VPS13B: variants seen among roughly 807,000 people sequenced by gnomAD.
The protein encoded by VPS13B is vacuolar protein sorting 13 homolog B.
VPS13B carries 285 observed loss-of-function variants against 426.4 expected under a neutral mutation model. That is an observed-to-expected ratio of 0.67 (90% CI 0.61 to 0.74). The LOEUF (loss-of-function observed/expected upper bound fraction) is 0.74. VPS13B is among the 30% of genes least tolerant of loss of function. VPS13B has a pLI of 0.00. For synonymous variants in VPS13B, 1,676 were observed against 1,676.4 expected, an observed-to-expected ratio of 1.00 and a Z score of 0.01; for missense variants, 4,537 against 4,782.6, an observed-to-expected ratio of 0.95 and a Z score of 1.51.
intron 35 of VPS13B, among the ~76,000 whole-genome samples, chr8:99,664,310 T>G (rs1051969295): frequency 6.8e-6 from 1 of 146,412 alleles, no homozygotes; most frequent in African/African-American, 2.5e-5. Flanking sequence ...CAGCCAGAAA[T>G]GTACTTTTTT....
intron 21 of VPS13B, among the ~76,000 whole-genome samples, chr8:99,413,780 A>T (rs1815829013): frequency 6.6e-6 from 1 of 152,102 alleles, no homozygotes; most frequent in African/African-American, 2.4e-5. Context: ...ATTTTATTGC[A>T]CTGTGGTCTG....
At chr8:99,523,277 G>A (rs898720246) in intron 30 of VPS13B, among the ~76,000 whole-genome samples, 6 of 152,184 alleles carry the variant, frequency 3.9e-5, no homozygotes, top group Non-Finnish European at 8.8e-5. Context: ...ATGCATTTGG[G>A]AGCCGGGGAA....
At chr8:99,648,359 C>T (rs1248901882) in intron 34 of VPS13B, among the ~76,000 whole-genome samples, 2 of 152,106 alleles carry the variant, frequency 1.3e-5, no homozygotes, top group South Asian at 2.1e-4. Context: ...ATTTAAGTTC[C>T]AGAGAAGCAA....
At chr8:99,309,324 G>T (rs546422197) in intron 19 of VPS13B, among the ~76,000 whole-genome samples, 63 of 152,124 alleles carry the variant, frequency 4.1e-4, no homozygotes, top group African/African-American at 1.3e-3. Flanking sequence ...GGTCTAACAT[G>T]TAAGTCTTTA....
intron 39 of VPS13B, among the ~76,000 whole-genome samples, chr8:99,765,843 C>T (rs553419602): frequency 6.6e-6 from 1 of 152,090 alleles, no homozygotes; most frequent in East Asian, 1.9e-4. Flanking sequence ...GGGTTTCATG[C>T]CATACATACA....
Position 99,467,487 on chromosome 8 carries a change from T to G in VPS13B, c.3519T>G (p.Leu1173=), listed in dbSNP as rs1434698026. ...CCCTTCTTGGAAAACAAGTGACACT[T>G]TGCCTAGTGGAACCTATGGGTTGCA... ...IYTLLGKQVT[L]CLVEPMGCTS... is the part of the protein sequence containing the mutation. The change falls in exon 24 of 62, where the codon CTT becomes CTG. Residue 1173 remains leucine, a synonymous_variant. Transcript: ENST00000357162. The G allele has an allele frequency of 6.2e-7, 1 of 1,613,814 alleles. No homozygotes were observed. Among genetic ancestry groups the G allele is most frequent in the Non-Finnish European group, 8.5e-7 (1 of 1,179,802 alleles).
chr8:99,142,609 A>G (rs910935812), intron 12 of VPS13B, among the ~76,000 whole-genome samples: 2 of 152,224 alleles, frequency 1.3e-5, no homozygotes, highest in Admixed American at 1.3e-4. Flanking sequence ...ATTTACTAAG[A>G]TAAATTAGTA....
rs1413923488 is a variant in VPS13B at position 99,877,439 on chromosome 8, T to C, written c.*1773T>C. 6 of 152,768 alleles carry C rather than the reference T, an allele frequency of 3.9e-5. No individual in the cohort carries two copies. Among genetic ancestry groups the C allele is most frequent in the African/African-American group, 1.4e-4 (6 of 41,574 alleles). 9.5% of individuals were successfully genotyped at this position (152,768 alleles called of 1,614,324 possible). ...GTGTCCTTGAATTACTGACCACCCA[T>C]AGATGTCTACTGTTACCAGGTTTTA... On this transcript the variant is annotated 3_prime_UTR_variant, in exon 62 of 62. Transcript: ENST00000357162.
At chr8:99,415,999 C>T (rs1053258864) in intron 21 of VPS13B, among the ~76,000 whole-genome samples, 2 of 152,250 alleles carry the variant, frequency 1.3e-5, no homozygotes, top group African/African-American at 2.4e-5. Flanking sequence ...TTTAAGCCTG[C>T]TGATGCTGCG....
chr8:99,014,529 C>T (rs1841511109), intron 2 of VPS13B, among the ~76,000 whole-genome samples: 1 of 151,882 alleles, frequency 6.6e-6, no homozygotes, highest in South Asian at 2.1e-4. Flanking sequence ...ATTGTTCGGT[C>T]TACTTACTCA....
intron 61 of VPS13B, 42 bp downstream of exon 61, chr8:99,871,739 G>A (rs1240167103): frequency 1.2e-6 from 2 of 1,611,272 alleles, no homozygotes; most frequent in South Asian, 1.1e-5. Context: ...AGCTGGCCAG[G>A]GAGGTTGAGG....
At chr8:99,386,853 C>CA (rs1814153680) in intron 20 of VPS13B, among the ~76,000 whole-genome samples, 1 of 152,072 alleles carries the variant, frequency 6.6e-6, no homozygotes, top group African/African-American at 2.4e-5. Flanking sequence ...CCTATAGTCC[C>CA]AGCTACACTG....
At chr8:99,452,221 T>C (rs755962700) in intron 23 of VPS13B, among the ~76,000 whole-genome samples, 10 of 152,176 alleles carry the variant, frequency 6.6e-5, no homozygotes, top group Non-Finnish European at 1.2e-4. Flanking sequence ...CCTTAGCATA[T>C]GCTACAAACA....
At chr8:99,847,813 G>C (rs1383427416) in intron 54 of VPS13B, among the ~76,000 whole-genome samples, 1 of 152,184 alleles carries the variant, frequency 6.6e-6, no homozygotes, top group East Asian at 1.9e-4. Context: ...TGTACACTCT[G>C]GTGCTTCTTC....
intron 23 of VPS13B, among the ~76,000 whole-genome samples, chr8:99,454,396 C>T (rs559253221): frequency 5.9e-5 from 9 of 152,210 alleles, no homozygotes; most frequent in African/African-American, 1.7e-4. Flanking sequence ...TCTCTAACTC[C>T]TGGTCTTAGG....
At chr8:99,066,075 C>T (rs1212716907) in intron 3 of VPS13B, among the ~76,000 whole-genome samples, 1 of 152,214 alleles carries the variant, frequency 6.6e-6, no homozygotes, top group African/African-American at 2.4e-5. Flanking sequence ...GGCCATACTG[C>T]TCAAGGTAAT....
chr8:99,593,253 C>T (rs910946158), intron 33 of VPS13B, among the ~76,000 whole-genome samples: 3 of 151,790 alleles, frequency 2.0e-5, no homozygotes, highest in Admixed American at 6.6e-5. Context: ...GGGCCAAAGA[C>T]GTGGACAGAT....
chr8:99,423,742 A>G (rs553910267), intron 21 of VPS13B, among the ~76,000 whole-genome samples: 1 of 152,180 alleles, frequency 6.6e-6, no homozygotes, highest in African/African-American at 2.4e-5. Context: ...GATGAAAAGT[A>G]TGTCTGGTTT....
intron 17 of VPS13B, among the ~76,000 whole-genome samples, chr8:99,252,318 A>T (rs1167842628): frequency 6.6e-6 from 1 of 151,682 alleles, no homozygotes; most frequent in Non-Finnish European, 1.5e-5. Context: ...TGGCTCATGG[A>T]CTATTTAGGT....
Sources: gnomAD v4.1 joint callset for allele counts (sites outside exome capture counted in the v4.1 genomes callset) on GRCh38, gnomAD v4.1.1 for gene constraint, MANE v1.5 for transcripts, NCBI Gene and HGNC (gene_info 2026-07-23, HGNC 2026-07-21) for gene names.